Variants in NOM1 observed in about 807,000 individuals in gnomAD.
NOM1 encodes the protein nucleolar protein with MIF4G domain 1, also known as nucleolar MIF4G domain-containing protein 1.
A neutral mutation model predicts 73.3 loss-of-function variants in NOM1; 58 were observed. The ratio of observed to expected loss-of-function variants is 0.79; its 90% CI spans 0.64 to 0.99. The LOEUF (loss-of-function observed/expected upper bound fraction) is 0.99, where lower values mean the gene tolerates loss of function less well. Ranked by LOEUF, NOM1 falls within the 50% of genes least tolerant of loss-of-function variation. The probability of loss-of-function intolerance (pLI) is 0.00; values close to 1 mark genes in which losing one functional copy is unlikely to be tolerated. For synonymous variants in NOM1, 487 were observed against 446.8 expected (o/e 1.09, Z -1.14); for missense variants, 1,226 against 1,131.9 (o/e 1.08, Z -1.19).
At chr7:156,959,817 A>G in intron 3 of NOM1, 34 bp from the exon 4 acceptor site, 1 of 1,596,098 alleles carries the variant, frequency 6.3e-7, no homozygotes, top group Non-Finnish European at 8.6e-7. Flanking sequence ...GTTTCTAGGA[A>G]TAACATAATC....
At chr7:156,950,935 A>AT (rs1804577349) in intron 1 of NOM1, among the ~76,000 whole-genome samples, 1 of 152,194 alleles carries the variant, frequency 6.6e-6, no homozygotes, top group African/African-American at 2.4e-5. Context: ...ATATAGAGAC[A>AT]TTTTTATCCC....
chr7:156,969,281 G>GTAC (rs1805081715), intron 10 of NOM1, 85 bp downstream of exon 10: 1 of 864,712 alleles, frequency 1.2e-6, no homozygotes, highest in Admixed American at 2.0e-5. Flanking sequence ...ACACAAGGTT[G>GTAC]TACTATACGT....
At chr7:156,955,963 G>A (rs1160023287) in intron 3 of NOM1, among the ~76,000 whole-genome samples, 2 of 152,104 alleles carry the variant, frequency 1.3e-5, no homozygotes, top group African/African-American at 4.8e-5. Context: ...GGCCGAGGCG[G>A]GTGGATCACG....
At position 156,950,364 on chromosome 7, in the gene NOM1, G is replaced by A; in HGVS notation, c.627G>A (p.Leu209=). The part of the protein sequence containing the change: ...KKKDGSSSVP[L]SFARDGLDYI... ...AGGACGGCAGCAGCTCCGTGCCGCT[G>A]AGCTTTGCACGCGACGGTCTTGACT... Residue 209 remains leucine (L), a synonymous_variant, in exon 1 of 11, where the codon CTG becomes CTA. Coordinates refer to ENST00000275820, the MANE Select transcript of NOM1 (RefSeq NM_138400.2). The A allele has an allele frequency of 6.2e-7, 1 of 1,614,236 alleles. No homozygotes were observed. Among genetic ancestry groups the A allele is most frequent in the Non-Finnish European group, 8.5e-7 (1 of 1,180,040 alleles).
At chr7:156,967,123 A>G (rs1805018289) in intron 9 of NOM1, 31 bp downstream of exon 9, 1 of 1,605,616 alleles carries the variant, frequency 6.2e-7, no homozygotes, top group South Asian at 1.1e-5. Flanking sequence ...TATTGAAAGC[A>G]ATGGAAATGG....
chr7:156,966,624 G>C (rs563351965), intron 8 of NOM1, among the ~76,000 whole-genome samples: 5 of 152,322 alleles, frequency 3.3e-5, no homozygotes, highest in African/African-American at 9.6e-5. Flanking sequence ...ACCTGCTTCT[G>C]CCACAGATGC....
At chr7:156,957,753 C>G (rs11765997) in intron 3 of NOM1, among the ~76,000 whole-genome samples, 1 of 138,104 alleles carries the variant, frequency 7.2e-6, no homozygotes, top group African/African-American at 2.8e-5. Context: ...CCAGCCTGGG[C>G]GACAGAGCGA....
intron 4 of NOM1, among the ~76,000 whole-genome samples, chr7:156,960,953 C>T (rs74989189): frequency 0.042 from 6,327 of 152,136 alleles, 209 homozygotes; most frequent in Middle Eastern, 0.078. Flanking sequence ...GGAAGGAGGG[C>T]TCAGGGTCAC....
At chr7:156,968,694 TATATATATA>T (rs1805066470) in intron 9 of NOM1, 1 of 3,892 alleles carries the variant, frequency 2.6e-4, no homozygotes, top group African/African-American at 1.6e-3. Context: ...ATTTTATATA[TATATATATA>T]TATATATATA....
intron 4 of NOM1, 23 bp from the exon 5 acceptor site, chr7:156,962,128 C>G (rs767948932): frequency 6.3e-7 from 1 of 1,597,012 alleles, no homozygotes. Flanking sequence ...GATGGACTTT[C>G]CATTTTTTCA....
In NOM1 at chr7:156,963,436, G is replaced by A. The variant is rs73506032; in HGVS notation, c.1911+261G>A. 2.1e-3 allele frequency: 1,106 copies of A among 524,200 alleles called. 16 individuals are homozygous for A. Among genetic ancestry groups the A allele is most frequent in the African/African-American group, 0.018 (934 of 52,390 alleles). The allele number at this position is 524,200 out of a possible 1,614,324, so 32.5% of individuals were successfully genotyped here. A position where few individuals can be genotyped will look rare whatever the true frequency, so the allele number is the denominator to read the frequency against. On this transcript the variant is annotated intron_variant, in intron 6 of 10. Coordinates refer to ENST00000275820, the MANE Select transcript of NOM1 (RefSeq NM_138400.2). Reference sequence around the variant, plus strand: ...CAGGGGAGCGCATGAGGACCTGAACGCTCACGGGGCAGGAGTCCGTTGCTG... The same window carrying A: ...CAGGGGAGCGCATGAGGACCTGAACACTCACGGGGCAGGAGTCCGTTGCTG...
intron 2 of NOM1, 55 bp from the exon 3 acceptor site, chr7:156,954,048 C>A: frequency 6.7e-7 from 1 of 1,489,952 alleles, no homozygotes; most frequent in Non-Finnish European, 9.1e-7. Context: ...TAAAATTGAA[C>A]TGAAAATTCC....
chr7:156,972,269 T>TA lies in NOM1; in HGVS notation c.*2567dup, dbSNP rs1805156528. ...TAACTTGATGTGAGTAGGCATTAAT[T>TA]ATGGGTGCGGCTACTAAGATGGGAA... is the stretch of plus-strand genomic sequence containing the variant. On this transcript the variant is annotated 3_prime_UTR_variant, in exon 11 of 11. Transcript: ENST00000275820. 6.6e-6 allele frequency: 1 copy of TA among 152,220 alleles called. No individual in the cohort carries two copies. Among genetic ancestry groups the TA allele is most frequent in the African/African-American group, 2.4e-5 (1 of 41,454 alleles). The allele number at this position is 152,220 out of a possible 1,614,324, so 9.4% of individuals were successfully genotyped here.
chr7:156,950,429 T>A lies in NOM1; in HGVS notation c.692T>A (p.Leu231Ter). 1 of 1,614,148 alleles carries A rather than the reference T, an allele frequency of 6.2e-7. No individual in the cohort carries two copies. The highest frequency in any genetic ancestry group is 8.5e-7 in the Non-Finnish European group (1 of 1,180,020). The part of the protein sequence containing the change: ...GALESGKNSG[L>*]YDSSGEEEED... ...CTGGAGTCTGGGAAAAATAGCGGCT[T>A]GTACGACAGCAGTGGTGAGGAGGAG... Residue 231 changes from leucine to a stop codon, truncating the protein, a stop_gained, in exon 1 of 11, where the codon TTG (leucine) becomes TAG (stop). Coordinates refer to ENST00000275820, the MANE Select transcript of NOM1 (RefSeq NM_138400.2). LOFTEE classifies it high-confidence loss of function.
chr7:156,956,400 A>G (rs1051201246), intron 3 of NOM1, among the ~76,000 whole-genome samples: 3 of 152,222 alleles, frequency 2.0e-5, no homozygotes, highest in African/African-American at 4.8e-5. Flanking sequence ...TAGTTCATGT[A>G]ATAGGCATAG....
chr7:156,954,797 A>G (rs545042332), intron 3 of NOM1, among the ~76,000 whole-genome samples: 2 of 152,228 alleles, frequency 1.3e-5, no homozygotes, highest in East Asian at 1.9e-4. Context: ...GGGAGCTGCC[A>G]TGCCCAGCCC....
In NOM1 at chr7:156,963,981, T is replaced by C; in HGVS notation, c.1988T>C (p.Ile663Thr). 2 of 1,613,908 alleles carry C rather than the reference T, an allele frequency of 1.2e-6. No individual in the cohort carries two copies. The highest frequency in any genetic ancestry group is 1.1e-5 in the South Asian group (1 of 91,066). ...ATCCGGAGAAACATATTCTGCACAA[T>C]AATGACAAGTGAAGATTTTTTGGAT... is the stretch of plus-strand genomic sequence containing the variant. ...TDIRRNIFCTIMTSEDFLDAF... is the reference protein window; with the variant it reads ...TDIRRNIFCTTMTSEDFLDAF... The change falls in exon 7 of 11, where the codon ATA becomes ACA. Residue 663 changes from isoleucine (I) to threonine (T), a missense_variant. By Grantham distance (89) the Ile-to-Thr change is moderately conservative (BLOSUM62 -1). Transcript: ENST00000275820.
intron 3 of NOM1, among the ~76,000 whole-genome samples, chr7:156,959,573 G>A (rs1013930068): frequency 4.6e-5 from 7 of 152,182 alleles, no homozygotes; most frequent in Admixed American, 3.9e-4. Context: ...ACATAGGTGT[G>A]TTTTTAACAT....
chr7:156,954,023 A>T, intron 2 of NOM1, 80 bp from the exon 3 acceptor site: 1 of 1,202,600 alleles, frequency 8.3e-7, no homozygotes, highest in Non-Finnish European at 1.2e-6. Flanking sequence ...TGGTATGGAT[A>T]ACTCTTTAAT....
Sources: gnomAD v4.1 joint callset for allele counts (sites outside exome capture counted in the v4.1 genomes callset) on GRCh38, gnomAD v4.1.1 for gene constraint, MANE v1.5 for transcripts, NCBI Gene and HGNC (gene_info 2026-07-23, HGNC 2026-07-21) for gene names.